TULP4: variants seen among roughly 807,000 people sequenced by gnomAD.
The protein encoded by TULP4 is TUB like protein 4, also known as tubby-related protein 4.
Under a neutral mutation model 129.0 loss-of-function variants are expected in TULP4, and 16 were observed. That is an observed-to-expected ratio of 0.12 (90% CI 0.08 to 0.19). The LOEUF (loss-of-function observed/expected upper bound fraction) is 0.19. TULP4 is among the 10% of genes least tolerant of loss of function. The pLI, the probability that TULP4 is intolerant of heterozygous loss-of-function variation, is 1.00. For missense variants in TULP4, 1,842 were observed against 2,059.1 expected (o/e 0.89, Z 2.04); for synonymous variants, 998 against 854.0 (o/e 1.17, Z -2.94).
At chr6:158,463,351 C>G (rs1347416776) in intron 6 of TULP4, among the ~76,000 whole-genome samples, 1 of 152,016 alleles carries the variant, frequency 6.6e-6, no homozygotes, top group Non-Finnish European at 1.5e-5. Flanking sequence ...CTTTAGGCCA[C>G]CTTATGTTTG....
chr6:158,493,496 A>G lies in TULP4; in HGVS notation c.1632-77A>G, dbSNP rs747327719. 15 of 1,364,274 alleles carry G rather than the reference A, an allele frequency of 1.1e-5. No individual in the cohort carries two copies. The highest frequency in any genetic ancestry group is 1.5e-5 in the African/African-American group (1 of 66,578). 84.5% of individuals were successfully genotyped at this position (1,364,274 alleles called of 1,614,324 possible). The stretch of plus-strand genomic sequence containing the variant: ...ACCCAGGCTGGCTGTCCAGAAAAAG[A>G]AAGGACTGCTGGAGTCAGGGCCATG... On this transcript the variant is annotated intron_variant, in intron 9 of 13. Transcript: ENST00000367097. This position sits in a 1 kb window ranked among gnomAD's most constrained non-coding sequence, Gnocchi z 4.4.
chr6:158,319,152 C>T (rs1000047133), intron 1 of TULP4, among the ~76,000 whole-genome samples: 3 of 152,050 alleles, frequency 2.0e-5, no homozygotes, highest in Admixed American at 1.3e-4. Flanking sequence ...GTTGTTATTC[C>T]ATCACTTCAG....
At chr6:158,277,520 G>A (rs1458208491), upstream of TULP4, among the ~76,000 whole-genome samples, 1 of 152,150 alleles carries the variant, frequency 6.6e-6, no homozygotes, top group Non-Finnish European at 1.5e-5. Context: ...AACATAGTCC[G>A]TGGGTTAATT....
intron 1 of TULP4, among the ~76,000 whole-genome samples, chr6:158,331,909 C>T (rs557675351): frequency 1.3e-4 from 20 of 148,806 alleles, no homozygotes; most frequent in African/African-American, 4.2e-4. Context: ...CGGTGGCTCA[C>T]GCCTGTAATC....
rs74332414 is a variant in TULP4, at chr6:158,501,520, G to A, written c.2015-158G>A. Reference sequence around the variant, plus strand: ...CCTCAAGAACCCATCTCCCTTGTGCGAGCAGGCCAGCTTTCCCCAAGCAGA... The same window carrying A: ...CCTCAAGAACCCATCTCCCTTGTGCAAGCAGGCCAGCTTTCCCCAAGCAGA... On this transcript the variant is annotated intron_variant, in intron 12 of 13. Transcript: ENST00000367097. 6.6e-5 allele frequency among the ~76,000 whole-genome samples: 10 copies of A among 152,302 alleles called. No individual in the cohort carries two copies. The East Asian group carries it at 9.7e-4, about 15-fold the overall frequency.
chr6:158,506,760 G>T lies in TULP4; in HGVS notation c.*66G>T. 1 of 1,175,720 alleles carries T rather than the reference G, an allele frequency of 8.5e-7. No individual in the cohort carries two copies. 72.8% of individuals were successfully genotyped at this position (1,175,720 alleles called of 1,614,324 possible). A position where few individuals can be genotyped will look rare whatever the true frequency, so the allele number is the denominator to read the frequency against. On this transcript the variant is annotated 3_prime_UTR_variant, in exon 14 of 14. Transcript: ENST00000367097. ...GGAAGAGGTCTTCGGAGATGCCAGA[G>T]GAGCCCTCTAGGGGTCCGATGCCTG...
intron 2 of TULP4, among the ~76,000 whole-genome samples, chr6:158,418,482 A>G (rs827962): frequency 0.72 from 109,212 of 150,752 alleles, 39,968 homozygotes; most frequent in African/African-American, 0.78. Flanking sequence ...GTCTTATCAC[A>G]TTATGTTGAC....
chr6:158,237,295 C>A (rs646732), intron 1 of TULP4: 1 of 1,428,682 alleles, frequency 7.0e-7, no homozygotes, highest in South Asian at 1.2e-5. Context: ...CTAATGTTAC[C>A]GAGACTAGTT....
At chr6:158,506,219 G>C (rs1450344095) in intron 13 of TULP4, among the ~76,000 whole-genome samples, 1 of 70,886 alleles carries the variant, frequency 1.4e-5, no homozygotes, top group Non-Finnish European at 2.7e-5. Context: ...TGCTCGCCTT[G>C]TTCTTTTTTT....
chr6:158,354,317 T>C (rs1780593282), intron 1 of TULP4, among the ~76,000 whole-genome samples: 1 of 152,190 alleles, frequency 6.6e-6, no homozygotes, highest in Admixed American at 6.5e-5. Flanking sequence ...TTTAAGTTGA[T>C]CTCTAAGGCA....
chr6:158,335,165 T>A (rs2114729911), intron 1 of TULP4, among the ~76,000 whole-genome samples: 1 of 151,650 alleles, frequency 6.6e-6, no homozygotes, highest in South Asian at 2.1e-4. Flanking sequence ...TAATCTCAGC[T>A]ACTTGGGAGG....
intron 5 of TULP4, among the ~76,000 whole-genome samples, chr6:158,456,261 G>A (rs1234603954): frequency 6.6e-6 from 1 of 152,208 alleles, no homozygotes; most frequent in Non-Finnish European, 1.5e-5. Flanking sequence ...GAAAGCAGGA[G>A]ATCAGAAAGT....
At chr6:158,245,976 T>C (rs564351983) in intron 1 of TULP4, among the ~76,000 whole-genome samples, 2 of 151,820 alleles carry the variant, frequency 1.3e-5, no homozygotes, top group Admixed American at 6.6e-5. Context: ...TCAAATTTCC[T>C]GGACTGAGCA....
At position 158,455,364 on chromosome 6, in the gene TULP4, G is replaced by A. The variant is rs1345467289; in HGVS notation, c.859+3096G>A. 1.2e-4 allele frequency among the ~76,000 whole-genome samples: 3 copies of A among 24,596 alleles called. 1 individual carries two copies. The highest frequency in any genetic ancestry group is 2.3e-4 in the Non-Finnish European group (3 of 12,978). The allele number at this position is 24,596 out of a possible 152,430, so 16.1% of individuals were successfully genotyped here. A position where few individuals can be genotyped will look rare whatever the true frequency, so the allele number is the denominator to read the frequency against. ...GCTGGGATTACAGGCGTGAGCCACCGCGCCCGGCCAAATTTAACATTTTAA... is the reference window on the plus strand; with the variant it reads ...GCTGGGATTACAGGCGTGAGCCACCACGCCCGGCCAAATTTAACATTTTAA... On this transcript the variant is annotated intron_variant, in intron 5 of 13. Coordinates refer to ENST00000367097, the MANE Select transcript of TULP4 (RefSeq NM_020245.5).
chr6:158,376,668 C>T (rs531278135), intron 1 of TULP4, among the ~76,000 whole-genome samples: 5 of 152,340 alleles, frequency 3.3e-5, no homozygotes, highest in African/African-American at 1.2e-4. Context: ...CCATCTGCCA[C>T]AGCCTCAGAG....
chr6:158,299,990 TAGG>T (rs1779105004), intron 1 of TULP4, among the ~76,000 whole-genome samples: 2 of 152,000 alleles, frequency 1.3e-5, no homozygotes, highest in Admixed American at 6.6e-5. Context: ...AAAAGGGAAT[TAGG>T]AGAAGTGGGA....
chr6:158,384,390 C>T (rs2114924509), intron 1 of TULP4, among the ~76,000 whole-genome samples: 1 of 151,948 alleles, frequency 6.6e-6, no homozygotes, highest in Non-Finnish European at 1.5e-5. Flanking sequence ...TGGGTTCACG[C>T]CATTCTCCTG....
At chr6:158,357,533 C>A (rs1780676159) in intron 1 of TULP4, among the ~76,000 whole-genome samples, 2 of 152,220 alleles carry the variant, frequency 1.3e-5, no homozygotes, top group Non-Finnish European at 2.9e-5. Context: ...CCTGCGGCGG[C>A]CAGCAATTCC....
At chr6:158,263,568 G>A (rs1236039502) in intron 1 of TULP4, among the ~76,000 whole-genome samples, 1 of 152,282 alleles carries the variant, frequency 6.6e-6, no homozygotes. Flanking sequence ...AGTGGCTTGG[G>A]TCTGTAGTGG....
Sources: gnomAD v4.1 joint callset for allele counts (sites outside exome capture counted in the v4.1 genomes callset) on GRCh38, gnomAD v4.1.1 for gene constraint, Gnocchi (gnomAD v3.1) non-coding constraint, MANE v1.5 for transcripts, NCBI Gene and HGNC (gene_info 2026-07-23, HGNC 2026-07-21) for gene names.